ST7: variants seen among roughly 807,000 people sequenced by gnomAD.
The protein encoded by ST7 is suppression of tumorigenicity 7.
Under a neutral mutation model 78.7 loss-of-function variants are expected in ST7, and 28 were observed. The ratio of observed to expected loss-of-function variants is 0.36; its 90% CI spans 0.26 to 0.49. The LOEUF (loss-of-function observed/expected upper bound fraction) is 0.49, where lower values mean the gene tolerates loss of function less well. ST7 is among the 20% of genes least tolerant of loss of function. The pLI is 0.99. For synonymous variants in ST7, 247 were observed against 249.6 expected, an observed-to-expected ratio of 0.99 and a Z score of 0.10; for missense variants, 418 against 696.0, an observed-to-expected ratio of 0.60 and a Z score of 4.49.
At chr7:117,021,942 A>T (rs1316793330) in intron 1 of ST7, among the ~76,000 whole-genome samples, 1 of 152,198 alleles carries the variant, frequency 6.6e-6, no homozygotes, top group African/African-American at 2.4e-5. Context: ...CAGTCATGGA[A>T]TTTTGTTTAT....
intron 12 of ST7, among the ~76,000 whole-genome samples, chr7:117,208,188 T>G (rs1255507375): frequency 6.6e-6 from 1 of 152,170 alleles, no homozygotes; most frequent in Admixed American, 6.5e-5. Context: ...TCTTGCACTG[T>G]TTTAAAACAA....
intron 1 of ST7, among the ~76,000 whole-genome samples, chr7:117,007,286 C>A (rs1223083870): frequency 2.0e-5 from 3 of 152,148 alleles, no homozygotes; most frequent in African/African-American, 4.8e-5. Flanking sequence ...AGCTTTATTG[C>A]TTATATGGAG....
At chr7:116,955,175 T>C (rs1168092437) in intron 1 of ST7, 7 of 460,700 alleles carry the variant, frequency 1.5e-5, no homozygotes, top group Non-Finnish European at 3.1e-5. Flanking sequence ...GGATACCTTC[T>C]GGTCTCAAAG....
intron 2 of ST7, among the ~76,000 whole-genome samples, chr7:117,110,849 G>A (rs1349278853): frequency 6.6e-6 from 1 of 152,192 alleles, no homozygotes; most frequent in African/African-American, 2.4e-5. Flanking sequence ...GGCTGGTGAG[G>A]TTTTCTGTGC....
At chr7:116,980,753 A>G (rs75349512) in intron 1 of ST7, among the ~76,000 whole-genome samples, 1 of 152,364 alleles carries the variant, frequency 6.6e-6, no homozygotes, top group East Asian at 1.9e-4. Flanking sequence ...GTACTTTATC[A>G]CTTTGAAATA....
chr7:117,169,737 A>G lies in ST7; in HGVS notation c.964-1125A>G, dbSNP rs372068865. 2.9e-4 allele frequency among the ~76,000 whole-genome samples: 43 copies of G among 150,874 alleles called. No individual in the cohort carries two copies. In the South Asian group the frequency reaches 7.2e-3, roughly 25 times the overall value. On this transcript the variant is annotated intron_variant, in intron 9 of 15. Transcript: ENST00000323984. ...CACCGCTAGGTAAAACTTGACAACC[A>G]TGGCAGTTATAACCTCTAAAATTCA...
intron 1 of ST7, among the ~76,000 whole-genome samples, chr7:117,099,074 A>AAAAAG (rs1563080274): frequency 3.3e-5 from 5 of 149,398 alleles, no homozygotes; most frequent in Admixed American, 2.7e-4. Flanking sequence ...AACAAAAAAA[A>AAAAAG]AAGAAGAAGA....
chr7:117,002,335 C>G (rs892939150), intron 1 of ST7, among the ~76,000 whole-genome samples: 1 of 152,054 alleles, frequency 6.6e-6, no homozygotes, highest in Non-Finnish European at 1.5e-5. Context: ...TTAAATGATC[C>G]TCCTACCTCA....
At chr7:117,007,145 G>A (rs145537451) in intron 1 of ST7, among the ~76,000 whole-genome samples, 40 of 152,310 alleles carry the variant, frequency 2.6e-4, no homozygotes, top group Middle Eastern at 3.4e-3. Flanking sequence ...ACGAAGGCAT[G>A]TCAAAAGCTG....
Position 116,953,660 on chromosome 7 carries a change from G to A in ST7, c.120G>A (p.Val40=). Residue 40 remains valine (V), a synonymous_variant, in exon 1 of 16, where the codon GTG becomes GTA. Transcript: ENST00000323984. ...TATTCCTGGTCTACATCCTGCGGGTGCCTTTGAAAATCAACGACAACTTGA... is the reference window on the plus strand; with the variant it reads ...TATTCCTGGTCTACATCCTGCGGGTACCTTTGAAAATCAACGACAACTTGA... ...IVLFLVYILR[V]PLKINDNLST... The A allele has an allele frequency of 2.0e-6, 3 of 1,499,892 alleles. No individual in the cohort carries two copies. The highest frequency in any genetic ancestry group is 1.8e-6 in the Non-Finnish European group (2 of 1,111,476). The allele number at this position is 1,499,892 out of a possible 1,614,324, so 92.9% of individuals were successfully genotyped here.
At chr7:117,119,456 A>C (rs1803185166) in intron 2 of ST7, 105 bp from the exon 3 acceptor site, 1 of 1,107,444 alleles carries the variant, frequency 9.0e-7, no homozygotes, top group Non-Finnish European at 1.2e-6. Flanking sequence ...TTGAAATAAA[A>C]TATACTTAAG....
Position 117,229,877 on chromosome 7 carries a change from T to C in ST7, c.*20T>C, listed in dbSNP as rs773005863. ...ATCTGAGAGAAGCCCTGTCCTCCAC[T>C]CACCTCACCCGCCGCTGCCACCATC... On this transcript the variant is annotated 3_prime_UTR_variant, in exon 16 of 16. Coordinates refer to ENST00000323984, the MANE Select transcript of ST7 (RefSeq NM_001369598.1). 2.5e-5 allele frequency: 40 copies of C among 1,600,530 alleles called. No homozygotes were observed. The highest frequency in any genetic ancestry group is 3.4e-5 in the Non-Finnish European group (40 of 1,167,822).
At chr7:117,053,850 G>GT (rs35767775) in intron 1 of ST7, among the ~76,000 whole-genome samples, 21 of 147,164 alleles carry the variant, frequency 1.4e-4, no homozygotes, top group East Asian at 4.0e-4. Context: ...GGACTAGACG[G>GT]TTTTTTTTTT....
intron 1 of ST7, among the ~76,000 whole-genome samples, chr7:117,090,236 AACAC>A (rs551150596): frequency 7.2e-6 from 1 of 139,840 alleles, no homozygotes; most frequent in Non-Finnish European, 1.6e-5. Context: ...TAAGGATAGA[AACAC>A]ACACACACAC....
chr7:117,139,992 C>A (rs62469371), intron 9 of ST7, among the ~76,000 whole-genome samples: 3,234 of 152,230 alleles, frequency 0.021, 48 homozygotes, highest in Non-Finnish European at 0.031. Context: ...ACAGAGTTTT[C>A]TTAACTTTAA....
intron 1 of ST7, among the ~76,000 whole-genome samples, chr7:117,077,106 T>A (rs958502038): frequency 2.6e-5 from 4 of 152,170 alleles, no homozygotes; most frequent in Admixed American, 6.5e-5. Flanking sequence ...TTTGAAGTAA[T>A]GTCGTCAAGC....
chr7:117,154,141 C>T (rs1045281312), intron 9 of ST7, among the ~76,000 whole-genome samples: 6 of 152,090 alleles, frequency 3.9e-5, no homozygotes, highest in East Asian at 1.9e-4. Flanking sequence ...CATCTAAAGA[C>T]GGTGCCGTTT....
At chr7:117,041,856 T>C (rs753820633) in intron 1 of ST7, among the ~76,000 whole-genome samples, 5 of 152,174 alleles carry the variant, frequency 3.3e-5, no homozygotes, top group Admixed American at 6.5e-5. Context: ...AGGTTGATAA[T>C]AGACTGATTT....
intron 9 of ST7, among the ~76,000 whole-genome samples, chr7:117,149,494 G>A (rs1332483318): frequency 6.6e-6 from 1 of 151,810 alleles, no homozygotes; most frequent in East Asian, 1.9e-4. Context: ...TACTCTGATG[G>A]GCTCCTCTGG....
Sources: gnomAD v4.1 joint callset for allele counts (sites outside exome capture counted in the v4.1 genomes callset) on GRCh38, gnomAD v4.1.1 for gene constraint, MANE v1.5 for transcripts, NCBI Gene and HGNC (gene_info 2026-07-23, HGNC 2026-07-21) for gene names.